The following VSTM2L variants were observed in gnomAD, a reference collection of about 807,000 sequenced individuals.
The protein encoded by VSTM2L is V-set and transmembrane domain-containing protein 2-like protein.
A neutral mutation model predicts 19.9 loss-of-function variants in VSTM2L; 9 were observed. That is an observed-to-expected ratio of 0.45 (90% CI 0.27 to 0.79). The LOEUF (loss-of-function observed/expected upper bound fraction) is 0.79, where lower values mean the gene tolerates loss of function less well. VSTM2L is among the 30% of genes least tolerant of loss of function. The pLI is 0.15. For missense variants in VSTM2L, 286 were observed against 295.5 expected, an observed-to-expected ratio of 0.97 and a Z score of 0.24; for synonymous variants, 127 against 133.8, an observed-to-expected ratio of 0.95 and a Z score of 0.35.
chr20:37,910,767 A>C (rs2122936621), intron 1 of VSTM2L, among the ~76,000 whole-genome samples: 1 of 151,824 alleles, frequency 6.6e-6, no homozygotes, highest in East Asian at 1.9e-4. Context: ...AAAATACAGA[A>C]TTACCCAGGT....
chr20:37,922,718 G>T (rs1293532615), intron 1 of VSTM2L, among the ~76,000 whole-genome samples: 1 of 152,202 alleles, frequency 6.6e-6, no homozygotes, highest in Non-Finnish European at 1.5e-5. Flanking sequence ...GAGATTCAGG[G>T]CTGGACCAGG....
At chr20:37,905,624 CT>C (rs1282633182) in intron 1 of VSTM2L, among the ~76,000 whole-genome samples, 2 of 152,188 alleles carry the variant, frequency 1.3e-5, no homozygotes, top group Non-Finnish European at 2.9e-5. Flanking sequence ...TGAGCCACCC[CT>C]CTGGGTCTCC....
intron 1 of VSTM2L, among the ~76,000 whole-genome samples, chr20:37,918,190 T>C (rs1322618428): frequency 6.6e-6 from 1 of 152,166 alleles, no homozygotes; most frequent in African/African-American, 2.4e-5. Flanking sequence ...GATAGGGAAG[T>C]GGCAGGGAAG....
In VSTM2L at chr20:37,931,723, C is replaced by A; in HGVS notation, c.210C>A (p.Pro70=). Reference sequence around the variant, plus strand: ...GCTCCTTCCGCGGCAGCGGCTCCCCCTCCTACTCGCTGGAGATCCAGTGGT... The same window carrying A: ...GCTCCTTCCGCGGCAGCGGCTCCCCATCCTACTCGCTGGAGATCCAGTGGT... The part of the protein sequence containing the change: ...MACSFRGSGS[P]SYSLEIQWWY... Residue 70 remains proline (P), a synonymous_variant, in exon 2 of 4, where the codon CCC becomes CCA. Transcript: ENST00000373461. The A allele has an allele frequency of 6.2e-7, 1 of 1,613,854 alleles. No homozygotes were observed. The highest frequency in any genetic ancestry group is 8.5e-7 in the Non-Finnish European group (1 of 1,180,028).
chr20:37,927,353 G>GTTTT (rs147467369), intron 1 of VSTM2L, among the ~76,000 whole-genome samples: 84 of 151,798 alleles, frequency 5.5e-4, no homozygotes, highest in African/African-American at 2.0e-3. Context: ...AATTTCACGT[G>GTTTT]TTTTTTTTTA....
At chr20:37,925,027 A>T (rs557788277) in intron 1 of VSTM2L, among the ~76,000 whole-genome samples, 1 of 152,170 alleles carries the variant, frequency 6.6e-6, no homozygotes, top group Non-Finnish European at 1.5e-5. Context: ...CCGAGCCTCA[A>T]TTTCCTCATC....
At position 37,937,786 on chromosome 20, in the gene VSTM2L, T is replaced by G. The variant is rs369819784; in HGVS notation, c.342+4197T>G. On this transcript the variant is annotated intron_variant, in intron 3 of 3. Coordinates refer to ENST00000373461, the MANE Select transcript of VSTM2L (RefSeq NM_080607.3). ...ATGATAAAAAATACAATTACAACTGTGACCAAAATGAGGAGAGCTGCCATA... is the reference window on the plus strand; with the variant it reads ...ATGATAAAAAATACAATTACAACTGGGACCAAAATGAGGAGAGCTGCCATA... 1.1e-4 allele frequency among the ~76,000 whole-genome samples: 16 copies of G among 152,176 alleles called. No homozygotes were observed. In the East Asian group the frequency reaches 2.9e-3, roughly 27 times the overall value.
intron 1 of VSTM2L, among the ~76,000 whole-genome samples, chr20:37,915,985 C>T (rs1253421008): frequency 1.3e-5 from 2 of 152,228 alleles, no homozygotes; most frequent in Non-Finnish European, 2.9e-5. Flanking sequence ...TGTTCTTTCT[C>T]CTCAGTGGCT....
At chr20:37,931,552 T>A in intron 1 of VSTM2L, 83 bp from the exon 2 acceptor site, 5 of 1,344,164 alleles carry the variant, frequency 3.7e-6, no homozygotes, top group Non-Finnish European at 4.0e-6. Flanking sequence ...CAGGGCCAGC[T>A]GTTCCTACGT....
In VSTM2L at chr20:37,903,612, C is replaced by T. The variant is rs977122722; in HGVS notation, c.121+141C>T. The T allele has an allele frequency of 5.2e-5, 65 of 1,247,126 alleles. 1 individual carries two copies. Among genetic ancestry groups the T allele is most frequent in the Admixed American group, 1.7e-4 (4 of 23,328 alleles). 77.3% of individuals were successfully genotyped at this position (1,247,126 alleles called of 1,614,324 possible). ...GGCGCCCCCTGCCGGCGCGGTGGACCCGCCCTGGCACCCTGGCCCTGCAGA... is the reference window on the plus strand; with the variant it reads ...GGCGCCCCCTGCCGGCGCGGTGGACTCGCCCTGGCACCCTGGCCCTGCAGA... On this transcript the variant is annotated intron_variant, in intron 1 of 3. Coordinates refer to ENST00000373461, the MANE Select transcript of VSTM2L (RefSeq NM_080607.3).
Position 37,945,346 on chromosome 20 carries a change from A to C in VSTM2L, c.*1093A>C. On this transcript the variant is annotated 3_prime_UTR_variant, in exon 4 of 4. Transcript: ENST00000373461. ...GCCAACCTGAATAAAGCGGTTTTAAAAAAACCTCTGGGCAGTGTCTTTCTG... is the reference window on the plus strand; with the variant it reads ...GCCAACCTGAATAAAGCGGTTTTAACAAAACCTCTGGGCAGTGTCTTTCTG... The C allele has an allele frequency of 1.1e-6, 1 of 913,726 alleles. No individual in the cohort carries two copies. Among genetic ancestry groups the C allele is most frequent in the Non-Finnish European group, 1.3e-6 (1 of 764,438 alleles). 56.6% of individuals were successfully genotyped at this position (913,726 alleles called of 1,614,324 possible).
intron 3 of VSTM2L, among the ~76,000 whole-genome samples, chr20:37,936,543 G>GA (rs1216989159): frequency 6.6e-6 from 1 of 152,222 alleles, no homozygotes; most frequent in Admixed American, 6.5e-5. Context: ...TTGAGGGTAA[G>GA]AAAGTGCTGT....
intron 3 of VSTM2L, among the ~76,000 whole-genome samples, chr20:37,940,098 C>T (rs1482870526): frequency 6.6e-6 from 1 of 152,226 alleles, no homozygotes; most frequent in Non-Finnish European, 1.5e-5. Flanking sequence ...TGGATTATTA[C>T]TCCATTAGCG....
intron 1 of VSTM2L, among the ~76,000 whole-genome samples, chr20:37,912,642 A>G (rs1341585460): frequency 6.6e-6 from 1 of 152,184 alleles, no homozygotes; most frequent in Non-Finnish European, 1.5e-5. Context: ...CTTCCCTGCC[A>G]CCTGCACACT....
At chr20:37,918,406 C>T (rs569541445) in intron 1 of VSTM2L, among the ~76,000 whole-genome samples, 11 of 152,296 alleles carry the variant, frequency 7.2e-5, no homozygotes, top group African/African-American at 2.6e-4. Flanking sequence ...ACCTAACCTT[C>T]GCCAGTCTCC....
At chr20:37,914,300 G>A (rs975638462) in intron 1 of VSTM2L, among the ~76,000 whole-genome samples, 1 of 149,460 alleles carries the variant, frequency 6.7e-6, no homozygotes, top group Non-Finnish European at 1.5e-5. Context: ...GGGTGTGTGG[G>A]TGTGTGCATC....
intron 1 of VSTM2L, among the ~76,000 whole-genome samples, chr20:37,909,979 G>T (rs2072770889): frequency 6.6e-6 from 1 of 152,108 alleles, no homozygotes; most frequent in Non-Finnish European, 1.5e-5. Flanking sequence ...TCACAGCCAG[G>T]CCTCCCTTCC....
intron 2 of VSTM2L, 87 bp from the exon 3 acceptor site, chr20:37,933,452 T>C (rs1450790294): frequency 1.8e-6 from 2 of 1,109,232 alleles, no homozygotes; most frequent in Non-Finnish European, 2.7e-6. Flanking sequence ...CGTATCCCTA[T>C]AATGTGTCTC....
In VSTM2L at chr20:37,940,108, G is replaced by A. The variant is rs150252479; in HGVS notation, c.343-3873G>A. On this transcript the variant is annotated intron_variant, in intron 3 of 3. Coordinates refer to ENST00000373461, the MANE Select transcript of VSTM2L (RefSeq NM_080607.3). ...CACTTTGGATTATTACTCCATTAGC[G>A]CCTTGTAGGGTTGACAAATGAAGGA... Among the ~76,000 whole-genome samples, 605 of 152,342 alleles carry A rather than the reference G, an allele frequency of 4.0e-3. 2 individuals are homozygous for A. Among genetic ancestry groups the A allele is most frequent in the Admixed American group, 7.6e-3 (116 of 15,306 alleles).
Sources: allele counts gnomAD v4.1 joint callset (sites outside exome capture counted in the v4.1 genomes callset), GRCh38; gene constraint gnomAD v4.1.1; transcripts MANE v1.5; gene names NCBI Gene and HGNC (gene_info 2026-07-23, HGNC 2026-07-21).